TM2D3: variants seen among roughly 807,000 people sequenced by gnomAD.
TM2D3 encodes TM2 domain-containing protein 3.
TM2D3 carries 33 observed loss-of-function variants against 27.3 expected under a neutral mutation model. The ratio of observed to expected loss-of-function variants is 1.21; its 90% confidence interval spans 0.92 to 1.61. TM2D3 has a LOEUF of 1.61. Among genes scored for constraint, TM2D3 ranks in the 40% most tolerant of loss-of-function variants. The pLI is 0.00. For synonymous variants in TM2D3, 138 were observed against 122.2 expected (o/e 1.13, Z -0.85); for missense variants, 364 against 320.8 (o/e 1.13, Z -1.03).
chr15:101,633,586 G>T (rs601741), exon 5 of TM2D3: 1 of 1,092,092 alleles, frequency 9.2e-7, no homozygotes, highest in Non-Finnish European at 1.3e-6. Context: ...CTGTGGTTAG[G>T]GACGCTCATC....
chr15:101,636,758 C>A (rs1896559051), intron 4 of TM2D3: 1 of 214,866 alleles, frequency 4.7e-6, no homozygotes, highest in African/African-American at 2.4e-5. Context: ...TTTTCCTGGG[C>A]AGCTACATCA....
At position 101,646,724 on chromosome 15, in the gene TM2D3, C is replaced by T. The variant is rs1238263000; in HGVS notation, c.502+1G>A. 6.8e-6 allele frequency: 11 copies of T among 1,614,126 alleles called. No individual in the cohort carries two copies. The highest frequency in any genetic ancestry group is 9.3e-6 in the Non-Finnish European group (11 of 1,180,028). Reference sequence around the variant, plus strand: ...ACAAATGTCCTTGAACTCTGACCTACCCAAGCAGTGGACGTGGTCCCGCAC... The same window carrying T: ...ACAAATGTCCTTGAACTCTGACCTATCCAAGCAGTGGACGTGGTCCCGCAC... On this transcript the variant is annotated splice_donor_variant, in intron 4 of 5. Transcript: ENST00000333202. LOFTEE classifies it high-confidence loss of function.
downstream of TM2D3, among the ~76,000 whole-genome samples, chr15:101,640,677 G>C (rs1896645984): frequency 6.6e-6 from 1 of 152,182 alleles, no homozygotes; most frequent in Non-Finnish European, 1.5e-5. Context: ...TCATAAATTT[G>C]TTTGTACTAT....
chr15:101,644,036 G>A (rs1896741400), intron 5 of TM2D3, among the ~76,000 whole-genome samples: 1 of 152,056 alleles, frequency 6.6e-6, no homozygotes, highest in Admixed American at 6.6e-5. Flanking sequence ...GGTAGAGATG[G>A]GGTTTCACCA....
At chr15:101,649,848 G>A (rs1186832611) in intron 3 of TM2D3, among the ~76,000 whole-genome samples, 156 bp downstream of exon 3, 2 of 152,186 alleles carry the variant, frequency 1.3e-5, no homozygotes, top group East Asian at 1.9e-4. Flanking sequence ...GGTCTATTGG[G>A]TTTTTTAATT....
intron 5 of TM2D3, 133 bp downstream of exon 5, chr15:101,644,954 C>T: frequency 1.3e-6 from 1 of 780,516 alleles, no homozygotes; most frequent in South Asian, 1.6e-5. Flanking sequence ...ACTCTTCCAG[C>T]TGTTTGCTAG....
chr15:101,641,591 A>T (rs1896670396), downstream of TM2D3, among the ~76,000 whole-genome samples: 1 of 152,246 alleles, frequency 6.6e-6, no homozygotes, highest in African/African-American at 2.4e-5. Context: ...AAAAATGCTA[A>T]GTTTTTAAAT....
chr15:101,649,956 T>A (rs751095065), intron 3 of TM2D3, 48 bp downstream of exon 3: 3 of 1,555,728 alleles, frequency 1.9e-6, no homozygotes. Context: ...TCTTCTAACT[T>A]AAAGTTTACA....
downstream of TM2D3, among the ~76,000 whole-genome samples, chr15:101,639,662 A>C (rs1896624944): frequency 6.6e-6 from 1 of 152,216 alleles, no homozygotes; most frequent in Non-Finnish European, 1.5e-5. Context: ...AGATCTTTGA[A>C]AAAATCTTTT....
At chr15:101,647,964 C>G (rs1896859793) in intron 3 of TM2D3, among the ~76,000 whole-genome samples, 1 of 152,000 alleles carries the variant, frequency 6.6e-6, no homozygotes, top group Non-Finnish European at 1.5e-5. Context: ...GTGGTGCAAT[C>G]TCGGCTCACT....
At chr15:101,651,423 T>C in intron 2 of TM2D3, 1 of 403,324 alleles carries the variant, frequency 2.5e-6, no homozygotes, top group South Asian at 3.1e-5. Flanking sequence ...CTGAAGGTTA[T>C]TTTGATGGAT....
At chr15:101,633,791 A>C (rs1896498096) in intron 4 of TM2D3, 1 of 1,392,594 alleles carries the variant, frequency 7.2e-7, no homozygotes, top group Non-Finnish European at 9.7e-7. Context: ...CATAATATCC[A>C]ACATGTCCAG....
chr15:101,649,834 G>T (rs951106184), intron 3 of TM2D3, among the ~76,000 whole-genome samples, 170 bp downstream of exon 3: 2 of 152,218 alleles, frequency 1.3e-5, no homozygotes, highest in African/African-American at 4.8e-5. Flanking sequence ...AGCTGATATG[G>T]AAAGGTCTAT....
chr15:101,635,900 T>A (rs1425768029), intron 4 of TM2D3: 1 of 152,212 alleles, frequency 6.6e-6, no homozygotes, highest in Non-Finnish European at 1.5e-5. Context: ...TCTTCCTGTC[T>A]TTCCTTTCAT....
chr15:101,651,754 AGCCAGCGCCT>A lies in TM2D3; in HGVS notation c.101_110del (p.Gln34LeufsTer4), dbSNP rs1896978167. ...TTGGGCCCGGATCCTTTATTGACTGAGCCAGCGCCTGCGATTGCTCTAAATTTAAGGATCG... is the reference window on the plus strand; with the variant it reads ...TTGGGCCCGGATCCTTTATTGACTGAGCGATTGCTCTAAATTTAAGGATCG... On this transcript the variant is annotated frameshift_variant, in exon 2 of 6. Transcript: ENST00000333202. LOFTEE classifies it high-confidence loss of function. The A allele has an allele frequency of 6.2e-7, 1 of 1,614,058 alleles. No individual in the cohort carries two copies. Among genetic ancestry groups the A allele is most frequent in the African/African-American group, 1.3e-5 (1 of 74,928 alleles).
downstream of TM2D3, chr15:101,641,782 A>C: frequency 1.7e-6 from 1 of 580,008 alleles, no homozygotes; most frequent in Non-Finnish European, 2.2e-6. Context: ...TGTTATTCTT[A>C]ACAATAAAGG....
downstream of TM2D3, among the ~76,000 whole-genome samples, chr15:101,641,250 A>G (rs945077301): frequency 2.0e-5 from 3 of 151,864 alleles, no homozygotes; most frequent in Admixed American, 6.6e-5. Context: ...AGAACTGCTC[A>G]TGCTCTGTGA....
chr15:101,642,706 G>A (rs865966525), intron 5 of TM2D3, 62 bp from the exon 6 acceptor site: 15 of 1,415,852 alleles, frequency 1.1e-5, no homozygotes, highest in Admixed American at 4.6e-5. Context: ...GGCCAGTCAC[G>A]GTTTAATCAC....
At chr15:101,651,347 A>C (rs1896962583) in intron 2 of TM2D3, 1 of 259,042 alleles carries the variant, frequency 3.9e-6, no homozygotes, top group Admixed American at 5.1e-5. Flanking sequence ...GGAGCCTTTA[A>C]TATTCCAACA....
Sources: allele counts gnomAD v4.1 joint callset (sites outside exome capture counted in the v4.1 genomes callset), GRCh38; gene constraint gnomAD v4.1.1; transcripts MANE v1.5; gene names NCBI Gene and HGNC (gene_info 2026-07-23, HGNC 2026-07-21).